The following USP7 variants were observed in gnomAD, a reference collection of about 807,000 sequenced individuals.
USP7 encodes ubiquitin C-terminal hydrolase 7.
Under a neutral mutation model 162.9 loss-of-function variants are expected in USP7, and 9 were observed. That is an observed-to-expected ratio of 0.06 (90% CI 0.03 to 0.10). USP7 has a LOEUF of 0.10. Among genes scored for constraint, USP7 ranks in the 10% least tolerant of loss-of-function variants. The pLI, the probability that USP7 is intolerant of heterozygous loss-of-function variation, is 1.00. For synonymous variants in USP7, 562 were observed against 475.9 expected (o/e 1.18, Z -2.35); for missense variants, 715 against 1,373.7 (o/e 0.52, Z 7.58).
At chr16:8,937,358 A>G (rs1236052101) in intron 1 of USP7, among the ~76,000 whole-genome samples, 1 of 152,136 alleles carries the variant, frequency 6.6e-6, no homozygotes, top group Admixed American at 6.5e-5. Context: ...CAGCCTGGCC[A>G]TGGCAAAACC....
intron 2 of USP7, 140 bp from the exon 3 acceptor site, chr16:8,923,553 T>A (rs1274118792): frequency 2.3e-6 from 2 of 861,600 alleles, no homozygotes; most frequent in African/African-American, 3.4e-5. Context: ...GCTTCCAATT[T>A]ATTAAAACCC....
intron 11 of USP7, among the ~76,000 whole-genome samples, chr16:8,909,799 G>A (rs946168067): frequency 3.4e-4 from 52 of 152,062 alleles, no homozygotes; most frequent in Admixed American, 5.2e-4. Context: ...AGTGGCGGGC[G>A]CCTGTAGTCC....
chr16:8,937,406 G>A (rs528726913), intron 1 of USP7, among the ~76,000 whole-genome samples: 1 of 152,298 alleles, frequency 6.6e-6, no homozygotes, highest in Admixed American at 6.5e-5. Flanking sequence ...GCCAGACGTG[G>A]TGGCGCATGC....
At chr16:8,904,635 G>A (rs952156727) in intron 14 of USP7, 70 bp from the exon 15 acceptor site, 1 of 1,569,250 alleles carries the variant, frequency 6.4e-7, no homozygotes, top group African/African-American at 1.4e-5. Context: ...CCCGATTCTA[G>A]GTCATCATTA....
intron 27 of USP7, 50 bp downstream of exon 27, chr16:8,895,592 G>C (rs747070958): frequency 7.7e-6 from 11 of 1,432,896 alleles, no homozygotes; most frequent in South Asian, 3.6e-5. Context: ...ATATGCAGCA[G>C]ATGGGGCTCA....
At chr16:8,923,722 A>T (rs539166160) in intron 2 of USP7, among the ~76,000 whole-genome samples, 115 of 152,312 alleles carry the variant, frequency 7.6e-4, no homozygotes, top group Admixed American at 2.6e-3. Flanking sequence ...GACCCCAGGC[A>T]CCAAGTGAGT....
At chr16:8,898,753 A>T in intron 23 of USP7, 114 bp from the exon 24 acceptor site, 1 of 832,626 alleles carries the variant, frequency 1.2e-6, no homozygotes, top group Non-Finnish European at 1.8e-6. Context: ...TGAAATTTGG[A>T]CCTAGCATGG....
intron 1 of USP7, among the ~76,000 whole-genome samples, chr16:8,932,317 G>T (rs1898403030): frequency 6.6e-6 from 1 of 152,160 alleles, no homozygotes; most frequent in African/African-American, 2.4e-5. Context: ...TATAATCCTA[G>T]CACTCTGGGA....
At chr16:8,896,565 G>C (rs2061684082) in intron 26 of USP7, among the ~76,000 whole-genome samples, 1 of 152,120 alleles carries the variant, frequency 6.6e-6, no homozygotes, top group Non-Finnish European at 1.5e-5. Flanking sequence ...ATGTTGGCTA[G>C]ATGGAACAGA....
At position 8,904,645 on chromosome 16, in the gene USP7, A is replaced by G. The variant is rs2061829922; in HGVS notation, c.1574-80T>C. The G allele has an allele frequency of 5.1e-6, 8 of 1,560,486 alleles. No homozygotes were observed. The South Asian group carries it at 8.4e-5, about 16-fold the overall frequency. On this transcript the variant is annotated intron_variant, in intron 14 of 30. Coordinates refer to ENST00000344836, the MANE Select transcript of USP7 (RefSeq NM_003470.3). The stretch of plus-strand genomic sequence containing the variant: ...AAGCTCCCGATTCTAGGTCATCATT[A>G]ATAAAATAATCTATTAGGCCGGCGT...
chr16:8,895,464 A>T (rs2061667193), intron 27 of USP7, among the ~76,000 whole-genome samples, 178 bp downstream of exon 27: 1 of 152,240 alleles, frequency 6.6e-6, no homozygotes, highest in Admixed American at 6.5e-5. Context: ...TTGGTAACCC[A>T]AACTGAGGAC....
rs1394655023 is a variant in USP7, at chr16:8,963,233, C to A, written c.53G>T (p.Ser18Ile). The A allele has an allele frequency of 1.3e-5, 18 of 1,405,368 alleles. No homozygotes were observed. Among genetic ancestry groups the A allele is most frequent in the Non-Finnish European group, 1.7e-5 (18 of 1,069,646 alleles). 87.1% of individuals were successfully genotyped at this position (1,405,368 alleles called of 1,614,324 possible). The change falls in exon 1 of 31, where the codon AGC (serine) becomes ATC (isoleucine). Residue 18 changes from serine (S) to isoleucine (I), a missense_variant. Ser to Ile is a moderately radical substitution (Grantham distance 142). Around this residue, in one of 11 missense-constraint regions of USP7, gnomAD observed 137 missense variants for 123.5 expected, o/e 1.11. Coordinates refer to ENST00000344836, the MANE Select transcript of USP7 (RefSeq NM_003470.3). ...QQQKAGEQQLSEPEDMEMEAG... is the reference protein window; with the variant it reads ...QQQKAGEQQLIEPEDMEMEAG... ...TTCCATCTCCATGTCCTCGGGCTCG[C>A]TCAACTGCTGCTCGCCCGCTTTCTG...
At chr16:8,942,375 C>T (rs1368803325) in intron 1 of USP7, among the ~76,000 whole-genome samples, 1 of 152,146 alleles carries the variant, frequency 6.6e-6, no homozygotes, top group African/African-American at 2.4e-5. Context: ...CTGTCCCACC[C>T]TTATCACATG....
chr16:8,910,672 A>C, intron 11 of USP7, 73 bp downstream of exon 11: 1 of 1,399,470 alleles, frequency 7.1e-7, no homozygotes, highest in South Asian at 1.2e-5. Context: ...GCAAATTTTT[A>C]TTTAGCAATT....
chr16:8,911,781 C>G (rs949908364), intron 10 of USP7, among the ~76,000 whole-genome samples: 1 of 152,156 alleles, frequency 6.6e-6, no homozygotes, highest in African/African-American at 2.4e-5. Flanking sequence ...CAGTTTCTTC[C>G]GAAGCTGTCA....
chr16:8,942,296 G>C (rs977305652), intron 1 of USP7, among the ~76,000 whole-genome samples: 2 of 152,238 alleles, frequency 1.3e-5, no homozygotes, highest in Admixed American at 6.5e-5. Context: ...TGGAGAGTCT[G>C]TCGGACCTGA....
intron 1 of USP7, among the ~76,000 whole-genome samples, chr16:8,938,572 C>A (rs1436580340): frequency 6.6e-6 from 1 of 151,966 alleles, no homozygotes; most frequent in African/African-American, 2.4e-5. Flanking sequence ...CTTAGCTGGG[C>A]ACGGTGGCAG....
At chr16:8,927,728 C>T (rs1046142216) in intron 2 of USP7, among the ~76,000 whole-genome samples, 4 of 152,036 alleles carry the variant, frequency 2.6e-5, no homozygotes, top group East Asian at 1.9e-4. Flanking sequence ...CCCAGCTACT[C>T]GGGAGGCTGA....
intron 2 of USP7, among the ~76,000 whole-genome samples, chr16:8,926,108 C>G (rs988630130): frequency 6.7e-6 from 1 of 149,610 alleles, no homozygotes; most frequent in Non-Finnish European, 1.5e-5. Context: ...GAGCTGAGAT[C>G]GCGCCACTGC....
Sources: gnomAD v4.1 joint callset for allele counts (sites outside exome capture counted in the v4.1 genomes callset) on GRCh38, gnomAD v4.1.1 for gene constraint, gnomAD v4.1.1 regional missense constraint, MANE v1.5 for transcripts, NCBI Gene and HGNC (gene_info 2026-07-23, HGNC 2026-07-21) for gene names.